The following ATRNL1 variants were observed in gnomAD, a reference collection of about 807,000 sequenced individuals.
The protein encoded by ATRNL1 is attractin like 1.
Under a neutral mutation model 182.7 loss-of-function variants are expected in ATRNL1, and 95 were observed. That is an observed-to-expected ratio of 0.52 (90% CI 0.44 to 0.62). ATRNL1 has a LOEUF of 0.62. Ranked by LOEUF, ATRNL1 falls within the 20% of genes least tolerant of loss-of-function variation. The probability of loss-of-function intolerance (pLI) is 0.00; values close to 1 mark genes in which losing one functional copy is unlikely to be tolerated. For synonymous variants in ATRNL1, 576 were observed against 568.3 expected (o/e 1.01, Z -0.19); for missense variants, 1,471 against 1,679.5 (o/e 0.88, Z 2.17).
intron 13 of ATRNL1, among the ~76,000 whole-genome samples, chr10:115,280,355 T>G (rs1190441615): frequency 2.0e-5 from 3 of 152,178 alleles, no homozygotes; most frequent in Non-Finnish European, 4.4e-5. Context: ...GAAATCATAA[T>G]AAGCATGTTA....
intron 13 of ATRNL1, among the ~76,000 whole-genome samples, chr10:115,270,543 G>C (rs546062161): frequency 6.6e-6 from 1 of 151,606 alleles, no homozygotes; most frequent in South Asian, 2.1e-4. Context: ...TCTGCAAACT[G>C]AAGACCCAGG....
chr10:115,392,737 A>C (rs1161716810), intron 19 of ATRNL1, among the ~76,000 whole-genome samples: 9 of 152,092 alleles, frequency 5.9e-5, no homozygotes, highest in African/African-American at 2.2e-4. Flanking sequence ...TCTAGATGCA[A>C]TTCTCGTGAT....
chr10:115,685,137 G>C (rs1239780314), intron 26 of ATRNL1, among the ~76,000 whole-genome samples: 2 of 151,642 alleles, frequency 1.3e-5, no homozygotes, highest in African/African-American at 4.8e-5. Flanking sequence ...GTTAATTTCA[G>C]TTAATTATTG....
chr10:115,107,034 C>T (rs1844042368), intron 1 of ATRNL1, among the ~76,000 whole-genome samples: 1 of 152,132 alleles, frequency 6.6e-6, no homozygotes, highest in African/African-American at 2.4e-5. Flanking sequence ...ATAAGGAACC[C>T]ATTCCCCTGA....
At chr10:115,295,443 G>T (rs1397449526) in intron 15 of ATRNL1, among the ~76,000 whole-genome samples, 1 of 152,166 alleles carries the variant, frequency 6.6e-6, no homozygotes, top group African/African-American at 2.4e-5. Flanking sequence ...TGGACTCATG[G>T]CTGCTTGTAT....
chr10:115,769,561 G>A (rs1056334763), intron 27 of ATRNL1, among the ~76,000 whole-genome samples: 6 of 152,058 alleles, frequency 3.9e-5, no homozygotes, highest in Admixed American at 6.6e-5. Context: ...GGCACATAGC[G>A]CTCAGTACAT....
chr10:115,547,681 T>G (rs1288497721), intron 25 of ATRNL1, among the ~76,000 whole-genome samples: 1 of 152,072 alleles, frequency 6.6e-6, no homozygotes, highest in Non-Finnish European at 1.5e-5. Flanking sequence ...TTAGGAAGTA[T>G]TAAGGAAAAC....
At chr10:115,425,170 A>G (rs1357683788) in intron 20 of ATRNL1, among the ~76,000 whole-genome samples, 1 of 151,778 alleles carries the variant, frequency 6.6e-6, no homozygotes, top group Non-Finnish European at 1.5e-5. Context: ...TTAGCCTCTA[A>G]TTTTTCACTA....
intron 8 of ATRNL1, among the ~76,000 whole-genome samples, chr10:115,188,378 G>A (rs1848038142): frequency 6.6e-6 from 1 of 151,998 alleles, no homozygotes; most frequent in Admixed American, 6.6e-5. Context: ...TTAGAATTAC[G>A]GCTTTTAGGG....
intron 27 of ATRNL1, among the ~76,000 whole-genome samples, chr10:115,776,648 G>T (rs1244469913): frequency 6.7e-6 from 1 of 150,090 alleles, no homozygotes; most frequent in Non-Finnish European, 1.5e-5. Flanking sequence ...TGTTTGAAGA[G>T]ACCTGTGTGC....
chr10:115,663,138 A>G (rs985390908), intron 26 of ATRNL1, among the ~76,000 whole-genome samples: 5 of 152,074 alleles, frequency 3.3e-5, no homozygotes, highest in Non-Finnish European at 5.9e-5. Flanking sequence ...AGTGCTCAAT[A>G]TACATTATAT....
intron 26 of ATRNL1, among the ~76,000 whole-genome samples, chr10:115,638,698 T>C (rs1555029166): frequency 6.6e-6 from 1 of 152,322 alleles, no homozygotes; most frequent in South Asian, 2.1e-4. Flanking sequence ...TTTTATGGTA[T>C]GTATAAAACT....
intron 5 of ATRNL1, among the ~76,000 whole-genome samples, chr10:115,150,990 C>T (rs879994354): frequency 1.4e-4 from 22 of 152,194 alleles, no homozygotes; most frequent in South Asian, 2.1e-4. Context: ...TCTGTCCTTG[C>T]GATAGTTTGC....
At chr10:115,650,519 A>C (rs1555034046) in intron 26 of ATRNL1, among the ~76,000 whole-genome samples, 1 of 152,120 alleles carries the variant, frequency 6.6e-6, no homozygotes, top group African/African-American at 2.4e-5. Context: ...TGAAATGGTA[A>C]AGCAAAACAA....
At chr10:115,925,982 C>G (rs1420024878) in intron 28 of ATRNL1, among the ~76,000 whole-genome samples, 2 of 152,190 alleles carry the variant, frequency 1.3e-5, no homozygotes, top group Non-Finnish European at 2.9e-5. Context: ...CCACATGGCA[C>G]TTATTCTAAA....
intron 19 of ATRNL1, 49 bp from the exon 20 acceptor site, chr10:115,394,610 C>A: frequency 7.5e-7 from 1 of 1,325,548 alleles, no homozygotes; most frequent in Non-Finnish European, 1.1e-6. Flanking sequence ...GTGAAATGTG[C>A]ATGTTTGTGA....
At chr10:115,571,802 A>G (rs1159976902) in intron 26 of ATRNL1, among the ~76,000 whole-genome samples, 1 of 151,906 alleles carries the variant, frequency 6.6e-6, no homozygotes, top group African/African-American at 2.4e-5. Context: ...ATAAACTAAT[A>G]TTTCTATTAT....
intron 19 of ATRNL1, among the ~76,000 whole-genome samples, chr10:115,355,954 A>G (rs1360969007): frequency 6.6e-6 from 1 of 152,134 alleles, no homozygotes; most frequent in African/African-American, 2.4e-5. Flanking sequence ...TTCTTTCAAC[A>G]TAATGACAGT....
At chr10:115,669,949 T>C (rs1220510467) in intron 26 of ATRNL1, among the ~76,000 whole-genome samples, 1 of 152,118 alleles carries the variant, frequency 6.6e-6, no homozygotes, top group African/African-American at 2.4e-5. Context: ...TAACTTGTCA[T>C]TTCCCTTTTC....
Sources: gnomAD v4.1 joint callset for allele counts (sites outside exome capture counted in the v4.1 genomes callset) on GRCh38, gnomAD v4.1.1 for gene constraint, MANE v1.5 for transcripts, NCBI Gene and HGNC (gene_info 2026-07-23, HGNC 2026-07-21) for gene names.